The following SYNE1 variants were observed in gnomAD, a reference collection of about 807,000 sequenced individuals.
SYNE1 encodes the protein spectrin repeat containing nuclear envelope protein 1, also known as nesprin-1.
In SYNE1, 616 loss-of-function variants were observed where a neutral mutation model predicts 1,111.0. The observed-to-expected ratio is 0.55, with a 90% CI of 0.52 to 0.59. The LOEUF is 0.59. SYNE1 is among the 20% of genes least tolerant of loss of function. The pLI is 0.00. For synonymous variants in SYNE1, 3,855 were observed against 3,825.8 expected, an observed-to-expected ratio of 1.01 and a Z score of -0.28; for missense variants, 10,006 against 10,417.0, an observed-to-expected ratio of 0.96 and a Z score of 1.72.
chr6:152,603,830 A>T (rs7748363), intron 3 of SYNE1, among the ~76,000 whole-genome samples: 1 of 124,522 alleles, frequency 8.0e-6, no homozygotes, highest in African/African-American at 3.0e-5. Context: ...ATATATAGAT[A>T]TACTATCTAT....
In SYNE1 at chr6:152,465,348, G is replaced by A. The variant is rs749976636; in HGVS notation, c.1842C>T (p.Asn614=). 7 of 1,613,700 alleles carry A rather than the reference G, an allele frequency of 4.3e-6. No individual in the cohort carries two copies. Among genetic ancestry groups the A allele is most frequent in the Admixed American group, 1.7e-5 (1 of 59,952 alleles). ...VRSMLEEVIS[N]WDRYGNTVAS... ...CCACTGTATTGCCATAGCGATCCCA[G>A]TTAGAGATCACTTCTTCCAGCATGC... The change falls in exon 18 of 146, where the codon AAC becomes AAT. Residue 614 remains asparagine (N), a synonymous_variant. Coordinates refer to ENST00000367255, the MANE Select transcript of SYNE1 (RefSeq NM_182961.4).
intron 97 of SYNE1, among the ~76,000 whole-genome samples, chr6:152,279,662 G>A (rs6940317): frequency 0.19 from 28,023 of 150,608 alleles, 3,235 homozygotes; most frequent in East Asian, 0.46. Flanking sequence ...GGCTGCAGTG[G>A]GCTGAGGTTG....
chr6:152,298,463 AT>A (rs2094998853), intron 93 of SYNE1, among the ~76,000 whole-genome samples: 1 of 152,198 alleles, frequency 6.6e-6, no homozygotes, highest in African/African-American at 2.4e-5. Context: ...CTGTTATTAC[AT>A]TTTAGCTAAT....
intron 64 of SYNE1, among the ~76,000 whole-genome samples, chr6:152,361,483 G>A (rs190553440): frequency 6.6e-6 from 1 of 152,186 alleles, no homozygotes; most frequent in East Asian, 1.9e-4. Context: ...CAGATGCAAA[G>A]TGGCAATGAG....
chr6:152,204,385 A>AG (rs2076112072), intron 126 of SYNE1, among the ~76,000 whole-genome samples: 1 of 151,724 alleles, frequency 6.6e-6, no homozygotes, highest in East Asian at 1.9e-4. Context: ...AAAAAGAAAA[A>AG]AAAACAAGAA....
chr6:152,236,148 C>T lies in SYNE1; in HGVS notation c.20355G>A (p.Lys6785=). 1 of 1,614,138 alleles carries T rather than the reference C, an allele frequency of 6.2e-7. No homozygotes were observed. The highest frequency in any genetic ancestry group is 8.5e-7 in the Non-Finnish European group (1 of 1,180,018). The part of the protein sequence containing the change: ...CWLSNTNKMS[K]ELHRLETILK... ...ATATTGTTTCCAGTCTGTGAAGTTC[C>T]TTAGACATTTTATTGGTGTTACTTA... is the stretch of plus-strand genomic sequence containing the variant. The change falls in exon 110 of 146, where the codon AAG becomes AAA. Residue 6785 remains lysine, a synonymous_variant. Coordinates refer to ENST00000367255, the MANE Select transcript of SYNE1 (RefSeq NM_182961.4).
intron 32 of SYNE1, 144 bp from the exon 33 acceptor site, chr6:152,436,245 A>G: frequency 1.2e-6 from 1 of 862,900 alleles, no homozygotes; most frequent in Non-Finnish European, 1.7e-6. Flanking sequence ...TGTTCTTAAC[A>G]ATAAATCTGA....
intron 5 of SYNE1, among the ~76,000 whole-genome samples, chr6:152,520,804 G>A (rs1195881713): frequency 6.6e-6 from 1 of 152,126 alleles, no homozygotes; most frequent in Admixed American, 6.6e-5. Context: ...GTATGTCTAA[G>A]AGCAGAAATT....
chr6:152,569,975 T>C (rs1249122612), intron 3 of SYNE1, among the ~76,000 whole-genome samples: 1 of 152,206 alleles, frequency 6.6e-6, no homozygotes, highest in Non-Finnish European at 1.5e-5. Context: ...TGTTCTTAGT[T>C]ATTTCAGTCT....
At chr6:152,204,121 T>C (rs576833523) in intron 126 of SYNE1, among the ~76,000 whole-genome samples, 1 of 152,238 alleles carries the variant, frequency 6.6e-6, no homozygotes, top group African/African-American at 2.4e-5. Context: ...CCTAGCACTT[T>C]GGGAGGCCAA....
At chr6:152,233,676 TG>T in intron 112 of SYNE1, 104 bp downstream of exon 112, 1 of 1,410,954 alleles carries the variant, frequency 7.1e-7, no homozygotes, top group Non-Finnish European at 9.8e-7. Flanking sequence ...GCCAGGTGTC[TG>T]GGACAAAGCT....
Position 152,409,602 on chromosome 6 carries a change from G to T in SYNE1, c.6338C>A (p.Thr2113Asn), listed in dbSNP as rs1291834873. Residue 2113 changes from threonine to asparagine, a missense_variant, in exon 43 of 146, where the codon ACT becomes AAT. Physicochemically the swap from Thr to Asn is moderately conservative, Grantham distance 65. This residue lies in a region of SYNE1 where 4,955 missense variants were observed against 5,017.2 expected (regional missense o/e 0.99). Transcript: ENST00000367255. The part of the protein sequence containing the change: ...ENASSVIVTR[T>N]TIKDQEDLKW... The stretch of plus-strand genomic sequence containing the variant: ...AAGATCCTCCTGATCTTTTATGGTA[G>T]TTCTGGTTACAATCACACTGCTGGC... 2 of 1,613,768 alleles carry T rather than the reference G, an allele frequency of 1.2e-6. No individual in the cohort carries two copies. The highest frequency in any genetic ancestry group is 2.7e-5 in the African/African-American group (2 of 74,910).
intron 123 of SYNE1, among the ~76,000 whole-genome samples, chr6:152,212,230 T>C (rs897993517): frequency 2.6e-5 from 4 of 152,162 alleles, no homozygotes; most frequent in African/African-American, 9.7e-5. Context: ...AATTTTAGAA[T>C]TTTCATTGCC....
At chr6:152,469,216 A>T in intron 16 of SYNE1, among the ~76,000 whole-genome samples, 1 of 152,186 alleles carries the variant, frequency 6.6e-6, no homozygotes, top group East Asian at 1.9e-4. Flanking sequence ...ATGATTTTCC[A>T]TAACACTCTA....
rs781224589 is a variant in SYNE1, at chr6:152,344,116, G to C, written c.12190C>G (p.Gln4064Glu). The part of the protein sequence containing the change: ...AVQPDLEPSP[Q>E]PPLSRAEAIK... ...GCTTCTGCCCTACTAAGAGGTGGTT[G>C]AGGACTTGGCTCTAAATCCGGCTGG... is the stretch of plus-strand genomic sequence containing the variant. The change falls in exon 74 of 146, where the codon CAA becomes GAA. Residue 4064 changes from glutamine to glutamate, a missense_variant. Physicochemically the swap from Gln to Glu is conservative, Grantham distance 29. Around this residue, in one of 7 missense-constraint regions of SYNE1, gnomAD observed 4,955 missense variants for 5,017.2 expected, o/e 0.99. Coordinates refer to ENST00000367255, the MANE Select transcript of SYNE1 (RefSeq NM_182961.4). The C allele has an allele frequency of 8.1e-6, 13 of 1,614,096 alleles. No homozygotes were observed. The highest frequency in any genetic ancestry group is 1.7e-5 in the Admixed American group (1 of 60,016).
chr6:152,187,020 G>C (rs1587246635), intron 128 of SYNE1, among the ~76,000 whole-genome samples: 1 of 152,264 alleles, frequency 6.6e-6, no homozygotes, highest in East Asian at 1.9e-4. Context: ...ATTCAGAAAT[G>C]AATCAAGTGT....
In SYNE1 at chr6:152,308,638, A is replaced by G. The variant is rs1589744380; in HGVS notation, c.17203-6T>C. ...TCATATTGTACCACAGCTTCCTTTG[A>G]AAAAAAAAAAAAACAGAAAGATAGA... On this transcript the variant is annotated splice_polypyrimidine_tract_variant and splice_region_variant and intron_variant, in intron 90 of 145. Transcript: ENST00000367255. The G allele has an allele frequency of 5.9e-5, 15 of 252,162 alleles. No homozygotes were observed. In the Admixed American group the frequency reaches 1.1e-3, roughly 18 times the overall value. 15.6% of individuals were successfully genotyped at this position (252,162 alleles called of 1,614,324 possible).
At position 152,310,672 on chromosome 6, in the gene SYNE1, T is replaced by G. The variant is rs1028957489; in HGVS notation, c.16896+16A>C. ...ATAGACATTTTTTTCTGTTTCTTTT[T>G]TTTTTCTTTTTTTACCTTAGCTGCA... On this transcript the variant is annotated intron_variant, in intron 88 of 145. Transcript: ENST00000367255. 6.2e-7 allele frequency: 1 copy of G among 1,611,678 alleles called. No individual in the cohort carries two copies. The highest frequency in any genetic ancestry group is 8.5e-7 in the Non-Finnish European group (1 of 1,179,274).
intron 3 of SYNE1, among the ~76,000 whole-genome samples, chr6:152,609,827 C>G (rs2099626269): frequency 6.6e-6 from 1 of 152,182 alleles, no homozygotes; most frequent in Non-Finnish European, 1.5e-5. Flanking sequence ...GTTCTCCAGC[C>G]TCTGCTGGTA....
Sources: allele counts gnomAD v4.1 joint callset (sites outside exome capture counted in the v4.1 genomes callset), GRCh38; gene constraint gnomAD v4.1.1; regional missense constraint gnomAD v4.1.1; transcripts MANE v1.5; gene names NCBI Gene and HGNC (gene_info 2026-07-23, HGNC 2026-07-21).